The following PLCB1 variants were observed in gnomAD, a reference collection of about 807,000 sequenced individuals.
The protein encoded by PLCB1 is 1-phosphatidylinositol 4,5-bisphosphate phosphodiesterase beta-1.
In PLCB1, 46 loss-of-function variants were observed where a neutral mutation model predicts 161.8. The observed-to-expected ratio is 0.28, with a 90% CI of 0.22 to 0.36. The LOEUF is 0.36. PLCB1 is among the 10% of genes least tolerant of loss of function. PLCB1 has a pLI of 1.00. For missense variants in PLCB1, 1,016 were observed against 1,472.5 expected, an observed-to-expected ratio of 0.69 and a Z score of 5.07; for synonymous variants, 517 against 503.7, an observed-to-expected ratio of 1.03 and a Z score of -0.35.
intron 3 of PLCB1, among the ~76,000 whole-genome samples, chr20:8,399,358 C>T (rs1257243257): frequency 1.3e-5 from 2 of 152,094 alleles, no homozygotes; most frequent in African/African-American, 4.8e-5. Flanking sequence ...ATCTTTTGTA[C>T]TACTTATCAA....
intron 2 of PLCB1, among the ~76,000 whole-genome samples, chr20:8,347,931 C>G (rs916917242): frequency 6.6e-6 from 1 of 151,658 alleles, no homozygotes; most frequent in Non-Finnish European, 1.5e-5. Flanking sequence ...GAGATCGTGC[C>G]ACTGCACTCC....
At chr20:8,756,264 C>T (rs543670277) in intron 23 of PLCB1, among the ~76,000 whole-genome samples, 11 of 152,172 alleles carry the variant, frequency 7.2e-5, no homozygotes, top group Admixed American at 4.6e-4. Flanking sequence ...ATTATGATCC[C>T]CAGTAAACAC....
At chr20:8,737,328 C>A in intron 20 of PLCB1, 136 bp downstream of exon 20, 1 of 714,182 alleles carries the variant, frequency 1.4e-6, no homozygotes, top group South Asian at 1.9e-5. Context: ...CTTTTGAAAG[C>A]CATTCTGAAA....
intron 2 of PLCB1, among the ~76,000 whole-genome samples, chr20:8,352,634 G>A (rs1986218529): frequency 6.6e-6 from 1 of 152,004 alleles, no homozygotes; most frequent in Non-Finnish European, 1.5e-5. Flanking sequence ...CCTTACTGAA[G>A]GCAATAAGGG....
intron 3 of PLCB1, among the ~76,000 whole-genome samples, chr20:8,482,172 C>T (rs1426434198): frequency 1.5e-5 from 2 of 134,830 alleles, no homozygotes; most frequent in African/African-American, 2.9e-5. Context: ...GGCGTGATCT[C>T]GGCTCACTGC....
intron 2 of PLCB1, among the ~76,000 whole-genome samples, chr20:8,286,412 C>G (rs574821938): frequency 6.6e-6 from 1 of 152,148 alleles, no homozygotes; most frequent in Non-Finnish European, 1.5e-5. Context: ...TTCCTGATTT[C>G]TCATATTATG....
chr20:8,634,344 T>C (rs2123241982), intron 4 of PLCB1, among the ~76,000 whole-genome samples: 1 of 152,336 alleles, frequency 6.6e-6, no homozygotes, highest in African/African-American at 2.4e-5. Flanking sequence ...TTTAGATTCT[T>C]CCCCCTCTGT....
At chr20:8,331,780 A>G (rs999640162) in intron 2 of PLCB1, among the ~76,000 whole-genome samples, 1 of 152,230 alleles carries the variant, frequency 6.6e-6, no homozygotes, top group African/African-American at 2.4e-5. Context: ...GAAGAGGTAT[A>G]TGGAAGAACT....
intron 31 of PLCB1, among the ~76,000 whole-genome samples, chr20:8,810,559 A>C (rs1215066558): frequency 6.6e-6 from 1 of 152,184 alleles, no homozygotes; most frequent in African/African-American, 2.4e-5. Context: ...GAATGGATAA[A>C]ATCCATTTAC....
intron 31 of PLCB1, among the ~76,000 whole-genome samples, chr20:8,790,475 C>T (rs1458890208): frequency 6.6e-6 from 1 of 152,128 alleles, no homozygotes; most frequent in East Asian, 1.9e-4. Context: ...TGCAAATATG[C>T]AGAACCCAGC....
intron 3 of PLCB1, among the ~76,000 whole-genome samples, chr20:8,554,090 A>T (rs1310679099): frequency 6.6e-6 from 1 of 152,102 alleles, no homozygotes; most frequent in Admixed American, 6.6e-5. Context: ...AGGAAAAAAA[A>T]AAAACAGTAG....
rs745541543 is a variant in PLCB1, at chr20:8,881,859, C to G, written c.*10C>G. The G allele has an allele frequency of 1.3e-6, 2 of 1,582,774 alleles. No individual in the cohort carries two copies. The highest frequency in any genetic ancestry group is 3.3e-5 in the Admixed American group (2 of 59,916). On this transcript the variant is annotated 3_prime_UTR_variant, in exon 32 of 32. Coordinates refer to ENST00000338037, the MANE Select transcript of PLCB1 (RefSeq NM_015192.4). Reference sequence around the variant, plus strand: ...TGATACTCCTCTGTGAATGCTCCTGCCAGGCCTTCAGAAATTGCATGGCCA... The same window carrying G: ...TGATACTCCTCTGTGAATGCTCCTGGCAGGCCTTCAGAAATTGCATGGCCA...
At chr20:8,518,742 C>T (rs1283543404) in intron 3 of PLCB1, among the ~76,000 whole-genome samples, 1 of 151,914 alleles carries the variant, frequency 6.6e-6, no homozygotes, top group Non-Finnish European at 1.5e-5. Context: ...TTATTGTGCA[C>T]TTTATTTTAT....
intron 31 of PLCB1, among the ~76,000 whole-genome samples, chr20:8,801,311 A>G (rs1984268356): frequency 6.6e-6 from 1 of 151,938 alleles, no homozygotes; most frequent in Non-Finnish European, 1.5e-5. Flanking sequence ...CTTTATTAAA[A>G]TTTACAACCC....
chr20:8,790,904 T>G (rs2146223830), intron 31 of PLCB1, among the ~76,000 whole-genome samples: 1 of 152,318 alleles, frequency 6.6e-6, no homozygotes, highest in East Asian at 1.9e-4. Context: ...ATTCCTTCCA[T>G]TTTGATTCAT....
At chr20:8,203,273 T>C (rs1488400155) in intron 2 of PLCB1, among the ~76,000 whole-genome samples, 2 of 151,972 alleles carry the variant, frequency 1.3e-5, no homozygotes, top group Non-Finnish European at 2.9e-5. Flanking sequence ...TGATGACAAA[T>C]TTAATGTGGG....
At chr20:8,458,024 C>A (rs1341123174) in intron 3 of PLCB1, among the ~76,000 whole-genome samples, 1 of 152,160 alleles carries the variant, frequency 6.6e-6, no homozygotes, top group Non-Finnish European at 1.5e-5. Context: ...GATAGGAAAC[C>A]TTTAGAGTGA....
At chr20:8,208,983 A>G (rs1252719662) in intron 2 of PLCB1, among the ~76,000 whole-genome samples, 2 of 152,150 alleles carry the variant, frequency 1.3e-5, no homozygotes, top group Non-Finnish European at 1.5e-5. Flanking sequence ...AAAGATTATA[A>G]TCAGATAGTC....
intron 3 of PLCB1, among the ~76,000 whole-genome samples, chr20:8,431,361 C>T (rs1980033750): frequency 6.6e-6 from 1 of 152,114 alleles, no homozygotes; most frequent in Non-Finnish European, 1.5e-5. Flanking sequence ...TGAATGGAAA[C>T]ACCAACCTTT....
Sources: gnomAD v4.1 joint callset for allele counts (sites outside exome capture counted in the v4.1 genomes callset) on GRCh38, gnomAD v4.1.1 for gene constraint, MANE v1.5 for transcripts, NCBI Gene and HGNC (gene_info 2026-07-23, HGNC 2026-07-21) for gene names.